COPG2: variants seen among roughly 807,000 people sequenced by gnomAD.
COPG2 encodes coatomer subunit gamma-2.
In COPG2, 37 loss-of-function variants were observed where a neutral mutation model predicts 46.3. That is an observed-to-expected ratio of 0.80 (90% CI 0.61 to 1.05). COPG2 has a LOEUF of 1.05. COPG2 is among the 50% of genes least tolerant of loss of function. The probability of loss-of-function intolerance (pLI) is 0.00; values close to 1 mark genes in which losing one functional copy is unlikely to be tolerated. For synonymous variants in COPG2, 159 were observed against 129.7 expected (o/e 1.23, Z -1.53); for missense variants, 427 against 387.8 (o/e 1.10, Z -0.85).
intron 9 of COPG2, chr7:130,607,785 G>A (rs1554451482): frequency 5.8e-6 from 3 of 519,934 alleles, no homozygotes; most frequent in Non-Finnish European, 1.2e-5. Flanking sequence ...CAGAAATACT[G>A]TAGCTTTCTG....
chr7:130,531,620 C>T (rs968568656), intron 20 of COPG2, among the ~76,000 whole-genome samples: 1 of 152,016 alleles, frequency 6.6e-6, no homozygotes, highest in Non-Finnish European at 1.5e-5. Flanking sequence ...TGTTGTATTT[C>T]AGAGAGAAAA....
intron 20 of COPG2, among the ~76,000 whole-genome samples, chr7:130,541,204 C>A (rs1799933272): frequency 6.6e-6 from 1 of 152,146 alleles, no homozygotes; most frequent in Non-Finnish European, 1.5e-5. Context: ...ACCGGGTACC[C>A]TGGTGGTGGA....
At chr7:130,668,498 G>A (rs1796147080) in intron 1 of COPG2, 134 bp downstream of exon 1, 1 of 675,728 alleles carries the variant, frequency 1.5e-6, no homozygotes, top group South Asian at 4.2e-5. Context: ...GGAGGGGAGG[G>A]GCCGGCTCCA....
chr7:130,596,537 C>T (rs1794528702), intron 9 of COPG2, among the ~76,000 whole-genome samples: 1 of 152,104 alleles, frequency 6.6e-6, no homozygotes, highest in Non-Finnish European at 1.5e-5. Flanking sequence ...AAAGCAAAGC[C>T]CCAGGGGCCA....
At chr7:130,631,172 C>CTTT (rs55966949) in intron 5 of COPG2, among the ~76,000 whole-genome samples, 3 of 102,338 alleles carry the variant, frequency 2.9e-5, no homozygotes, top group East Asian at 5.3e-4. Context: ...TTTTTCTTTT[C>CTTT]TTTTTTTTTT....
intron 9 of COPG2, chr7:130,610,119 TA>T (rs782250376): frequency 3.9e-6 from 2 of 519,336 alleles, no homozygotes; most frequent in African/African-American, 3.8e-5. Flanking sequence ...ACTGCCTCTG[TA>T]TTTTTTGATT....
intron 4 of COPG2, among the ~76,000 whole-genome samples, chr7:130,657,357 A>G (rs1190507165): frequency 1.3e-5 from 2 of 152,138 alleles, no homozygotes; most frequent in Non-Finnish European, 2.9e-5. Flanking sequence ...AAAGAAACCA[A>G]CCATTACTTT....
intron 9 of COPG2, among the ~76,000 whole-genome samples, chr7:130,586,472 T>A (rs1048999061): frequency 4.6e-5 from 7 of 151,330 alleles, no homozygotes; most frequent in East Asian, 3.9e-4. Flanking sequence ...GAAAAAAAAA[T>A]TTTTTTTTGA....
chr7:130,534,746 T>C (rs1799862358), intron 20 of COPG2, among the ~76,000 whole-genome samples: 1 of 151,928 alleles, frequency 6.6e-6, no homozygotes. Flanking sequence ...GTAAAGGTAG[T>C]GTGGCCAAGA....
At chr7:130,514,154 C>T (rs557993479) in intron 20 of COPG2, among the ~76,000 whole-genome samples, 3 of 152,006 alleles carry the variant, frequency 2.0e-5, no homozygotes, top group East Asian at 3.9e-4. Context: ...AGAACAAGTG[C>T]TTGAAAAGTA....
intron 4 of COPG2, among the ~76,000 whole-genome samples, chr7:130,658,487 G>A (rs901269023): frequency 4.6e-5 from 7 of 151,966 alleles, no homozygotes; most frequent in Non-Finnish European, 1.0e-4. Flanking sequence ...ATATGTGTTT[G>A]TCAAAGCTCA....
chr7:130,620,699 C>G (rs1180141045), intron 5 of COPG2, among the ~76,000 whole-genome samples: 2 of 152,132 alleles, frequency 1.3e-5, no homozygotes, highest in East Asian at 3.8e-4. Flanking sequence ...TACCCAGAAA[C>G]TCACCTATAC....
chr7:130,610,867 C>A, intron 9 of COPG2, 86 bp downstream of exon 9: 1 of 1,386,558 alleles, frequency 7.2e-7, no homozygotes, highest in South Asian at 1.2e-5. Context: ...AGCACTGCCC[C>A]AAAAAAAATT....
rs1306163351 is a variant in COPG2, at chr7:130,581,994, CTACTT to C, written c.738-17606_738-17602del. ...ACTTTCTTCACAGAATTGGAAAAAACTACTTTAAAGTTCATATGGAACCAAAAAGG... is the reference window on the plus strand; with the variant it reads ...ACTTTCTTCACAGAATTGGAAAAAACTAAAGTTCATATGGAACCAAAAAGG... On this transcript the variant is annotated intron_variant, in intron 9 of 23. Coordinates refer to ENST00000425248, the MANE Select transcript of COPG2 (RefSeq NM_012133.6). Among the ~76,000 whole-genome samples, 66 of 152,272 alleles carry C rather than the reference CTACTT, an allele frequency of 4.3e-4. 3 individuals carry two copies. In the South Asian group the frequency reaches 0.013, roughly 30 times the overall value.
At chr7:130,568,703 C>T (rs1228922297) in intron 9 of COPG2, among the ~76,000 whole-genome samples, 5 of 152,184 alleles carry the variant, frequency 3.3e-5, no homozygotes, top group Admixed American at 3.3e-4. Flanking sequence ...TACCCTACAA[C>T]ACATGGACTT....
At chr7:130,571,139 A>C (rs1448516589) in intron 9 of COPG2, among the ~76,000 whole-genome samples, 2 of 152,230 alleles carry the variant, frequency 1.3e-5, no homozygotes, top group Non-Finnish European at 2.9e-5. Context: ...GCTTAGGCAA[A>C]GACTTCATGA....
At chr7:130,601,765 C>T (rs972988073) in intron 9 of COPG2, among the ~76,000 whole-genome samples, 9 of 151,382 alleles carry the variant, frequency 5.9e-5, no homozygotes, top group African/African-American at 2.2e-4. Context: ...TATACCTATG[C>T]AACAAAACTG....
chr7:130,541,251 TG>T (rs1342158112), intron 20 of COPG2, among the ~76,000 whole-genome samples: 1 of 151,566 alleles, frequency 6.6e-6, no homozygotes, highest in Non-Finnish European at 1.5e-5. Context: ...AGACTCAAGG[TG>T]GAGGAGTGAG....
intron 5 of COPG2, among the ~76,000 whole-genome samples, chr7:130,625,079 T>G (rs894103732): frequency 5.3e-5 from 8 of 152,212 alleles, no homozygotes; most frequent in Admixed American, 3.3e-4. Context: ...ACATCTATTG[T>G]TTTTTGACTT....
Sources: allele counts gnomAD v4.1 joint callset (sites outside exome capture counted in the v4.1 genomes callset), GRCh38; gene constraint gnomAD v4.1.1; transcripts MANE v1.5; gene names NCBI Gene and HGNC (gene_info 2026-07-23, HGNC 2026-07-21).